The following ATP11C variants were observed in gnomAD, a reference collection of about 807,000 sequenced individuals.
The protein encoded by ATP11C is phospholipid-transporting ATPase IG.
A neutral mutation model predicts 97.4 loss-of-function variants in ATP11C; 36 were observed. The ratio of observed to expected loss-of-function variants is 0.37; its 90% CI spans 0.28 to 0.49. The LOEUF is 0.49. Ranked by LOEUF, ATP11C falls within the 20% of genes least tolerant of loss-of-function variation. The pLI is 0.98. For missense variants in ATP11C, 730 were observed against 824.6 expected (o/e 0.89, Z 1.40); for synonymous variants, 275 against 290.9 (o/e 0.95, Z 0.56).
intron 1 of ATP11C, among the ~76,000 whole-genome samples, chrX:139,870,829 G>A (rs1042777615): frequency 2.7e-5 from 3 of 111,540 alleles, no homozygotes; most frequent in Non-Finnish European, 3.8e-5. Context: ...GGCCGAGGCG[G>A]GTGGATCATG....
chrX:139,802,309 G>A lies in ATP11C; in HGVS notation c.586C>T (p.Leu196=). The A allele has an allele frequency of 8.3e-7, 1 of 1,204,411 alleles. No individual in the cohort carries two copies. The highest frequency in any genetic ancestry group is 1.7e-5 in the African/African-American group (1 of 57,695). Residue 196 remains leucine, a synonymous_variant, in exon 7 of 30, where the codon CTG becomes TTG. Transcript: ENST00000682941. ...GTATCGATGGATTCTGCTGTACACA[G>A]TGCAATGGTATCACGTACTGCATAA... ...THYAVRDTIA[L]CTAESIDTLR... is the part of the protein sequence containing the mutation.
intron 1 of ATP11C, among the ~76,000 whole-genome samples, chrX:139,897,472 C>T (rs1473643873): frequency 3.7e-5 from 4 of 108,657 alleles, no homozygotes; most frequent in Non-Finnish European, 7.6e-5. Flanking sequence ...CAGCTTGAGG[C>T]CAGGAGTTCA....
rs1569440944 is a variant in ATP11C at position 139,762,004 on chromosome X, T to C, written c.2597A>G (p.Tyr866Cys). 5.0e-6 allele frequency: 6 copies of C among 1,203,672 alleles called. No individual in the cohort carries two copies. Among genetic ancestry groups the C allele is most frequent in the Middle Eastern group, 2.4e-4 (1 of 4,242 alleles). The change falls in exon 22 of 30, where the codon TAT (tyrosine) becomes TGT (cysteine). Residue 866 changes from tyrosine to cysteine, a missense_variant. Tyr to Cys is a radical substitution (Grantham distance 194). Coordinates refer to ENST00000682941, the MANE Select transcript of ATP11C (RefSeq NM_001353812.2). ...KKLLLAHGHL[Y>C]YVRIAHLVQY... is the part of the protein sequence containing the mutation. ...TACAAGGTGTGCTATTCTCACATAA[T>C]ATAGATGTCCATGAGCCAACAGCAG...
chrX:139,802,068 T>C (rs995058177), intron 7 of ATP11C, among the ~76,000 whole-genome samples, 168 bp downstream of exon 7: 2 of 111,922 alleles, frequency 1.8e-5, no homozygotes, highest in Non-Finnish European at 3.8e-5. Flanking sequence ...TCTGGGTTGA[T>C]AGTGAACAAG....
chrX:139,865,840 T>C (rs2148001840), intron 1 of ATP11C, among the ~76,000 whole-genome samples: 1 of 111,278 alleles, frequency 9.0e-6, no homozygotes, highest in Admixed American at 9.6e-5. Context: ...TAAACATTTA[T>C]CTTACAAAGA....
chrX:139,870,919 G>A (rs928139534), intron 1 of ATP11C, among the ~76,000 whole-genome samples: 5 of 108,618 alleles, frequency 4.6e-5, no homozygotes, highest in Middle Eastern at 4.8e-3. Flanking sequence ...AGCCGGGCGC[G>A]GTGGCGGGCG....
intron 16 of ATP11C, among the ~76,000 whole-genome samples, chrX:139,784,349 T>C (rs919984317): frequency 8.9e-6 from 1 of 111,784 alleles, no homozygotes; most frequent in Non-Finnish European, 1.9e-5. Flanking sequence ...CTTATTAAAA[T>C]CAATTTCATG....
intron 1 of ATP11C, among the ~76,000 whole-genome samples, chrX:139,878,259 T>C (rs1372631111): frequency 9.0e-6 from 1 of 111,572 alleles, no homozygotes; most frequent in African/African-American, 3.3e-5. Flanking sequence ...TGGCACACTG[T>C]TGTACTCAAT....
At chrX:139,784,694 A>G (rs2082537137) in intron 16 of ATP11C, among the ~76,000 whole-genome samples, 1 of 111,013 alleles carries the variant, frequency 9.0e-6, no homozygotes, top group African/African-American at 3.3e-5. Context: ...TCTGCTCAAC[A>G]AAGAACCTGA....
chrX:139,932,160 G>T lies in ATP11C; in HGVS notation c.-118C>A. 3 of 673,677 alleles carry T rather than the reference G, an allele frequency of 4.5e-6. No homozygotes were observed. The highest frequency in any genetic ancestry group is 5.7e-6 in the Non-Finnish European group (3 of 530,385). The allele number at this position is 673,677 out of a possible 1,213,427, so 55.5% of individuals were successfully genotyped here. A position where few individuals can be genotyped will look rare whatever the true frequency, so the allele number is the denominator to read the frequency against. On this transcript the variant is annotated 5_prime_UTR_variant, in exon 1 of 30. Coordinates refer to ENST00000682941, the MANE Select transcript of ATP11C (RefSeq NM_001353812.2). ...GCCAAGCGGAGCAGCGAGGCGGGCG[G>T]CCGGGCCACCCGCTCGCCGCCTGCC...
At position 139,728,957 on chromosome X, in the gene ATP11C, C is replaced by T. The variant is rs769803618; in HGVS notation, c.*9G>A. The T allele has an allele frequency of 8.4e-7, 1 of 1,187,641 alleles. No homozygotes were observed. The highest frequency in any genetic ancestry group is 1.1e-6 in the Non-Finnish European group (1 of 876,388). Reference sequence around the variant, plus strand: ...ACAATAACATAGGCAGTTCAAGATTCGGATTCTGAAAAATGTAAAATATAC... The same window carrying T: ...ACAATAACATAGGCAGTTCAAGATTTGGATTCTGAAAAATGTAAAATATAC... On this transcript the variant is annotated 3_prime_UTR_variant, in exon 30 of 30. Coordinates refer to ENST00000682941, the MANE Select transcript of ATP11C (RefSeq NM_001353812.2).
intron 5 of ATP11C, among the ~76,000 whole-genome samples, chrX:139,808,504 A>T (rs1204359528): frequency 2.7e-5 from 3 of 112,032 alleles, no homozygotes; most frequent in African/African-American, 9.7e-5. Flanking sequence ...TATACACAAG[A>T]ACAAGAATAG....
chrX:139,790,464 T>TCACACACA (rs56853640), intron 12 of ATP11C, among the ~76,000 whole-genome samples: 208 of 99,223 alleles, frequency 2.1e-3, no homozygotes, highest in African/African-American at 7.1e-3. Flanking sequence ...TCTCTCTCAC[T>TCACACACA]CACACACACA....
At chrX:139,731,590 T>C in intron 29 of ATP11C, 61 bp downstream of exon 29, 1 of 690,658 alleles carries the variant, frequency 1.4e-6, no homozygotes. Context: ...TTTTCATTTT[T>C]TCTTTATAAT....
At chrX:139,902,459 T>C (rs1259581972) in intron 1 of ATP11C, among the ~76,000 whole-genome samples, 1 of 111,635 alleles carries the variant, frequency 9.0e-6, no homozygotes, top group Non-Finnish European at 1.9e-5. Context: ...ATAACGACTA[T>C]AGTTTGTTCT....
intron 14 of ATP11C, among the ~76,000 whole-genome samples, chrX:139,787,692 G>T (rs750963545): frequency 4.5e-5 from 5 of 112,234 alleles, no homozygotes; most frequent in Non-Finnish European, 7.5e-5. Flanking sequence ...TCTTTTCCTG[G>T]ATAAGTTGAT....
chrX:139,849,899 C>T (rs1384014408), intron 1 of ATP11C, among the ~76,000 whole-genome samples: 1 of 112,152 alleles, frequency 8.9e-6, no homozygotes, highest in Non-Finnish European at 1.9e-5. Flanking sequence ...AAGTTCGGCC[C>T]TCTCTTGCTC....
intron 5 of ATP11C, among the ~76,000 whole-genome samples, chrX:139,814,651 T>C (rs941655595): frequency 9.0e-6 from 1 of 111,071 alleles, no homozygotes; most frequent in Admixed American, 9.6e-5. Context: ...AATACATACA[T>C]CCATAGGGAC....
chrX:139,823,349 G>T (rs2083455320), intron 2 of ATP11C, among the ~76,000 whole-genome samples: 1 of 112,572 alleles, frequency 8.9e-6, no homozygotes, highest in Non-Finnish European at 1.9e-5. Flanking sequence ...GTGGGTCACT[G>T]CCTCAAATAT....
Sources: allele counts gnomAD v4.1 joint callset (sites outside exome capture counted in the v4.1 genomes callset), GRCh38; gene constraint gnomAD v4.1.1; transcripts MANE v1.5; gene names NCBI Gene and HGNC (gene_info 2026-07-23, HGNC 2026-07-21).